The following BCL7A variants were observed in gnomAD, a reference collection of about 807,000 sequenced individuals.
The protein encoded by BCL7A is BAF chromatin remodeling complex subunit BCL7A.
In BCL7A, 11 loss-of-function variants were observed where a neutral mutation model predicts 28.4. The observed-to-expected ratio is 0.39, with a 90% CI of 0.24 to 0.64. The LOEUF is 0.64. Ranked by LOEUF, BCL7A falls within the 30% of genes least tolerant of loss-of-function variation. BCL7A has a pLI of 0.50. For synonymous variants in BCL7A, 123 were observed against 103.3 expected, an observed-to-expected ratio of 1.19 and a Z score of -1.15; for missense variants, 222 against 274.8, an observed-to-expected ratio of 0.81 and a Z score of 1.36.
rs60471036 is a variant in BCL7A at position 122,049,017 on chromosome 12, T to TA, written c.439+4983dup. ...GCCTGGGCAATGAGAGTGAAACGTG[T>TA]AAAAAAAAAAAAAAAAAAATATATA... On this transcript the variant is annotated intron_variant, in intron 4 of 5. Transcript: ENST00000261822. Among the ~76,000 whole-genome samples, 851 of 90,368 alleles carry TA rather than the reference T, an allele frequency of 9.4e-3. 9 individuals are homozygous for TA. Among genetic ancestry groups the TA allele is most frequent in the South Asian group, 0.015 (39 of 2,554 alleles). The allele number at this position is 90,368 out of a possible 152,430, so 59.3% of individuals were successfully genotyped here. A position where few individuals can be genotyped will look rare whatever the true frequency, so the allele number is the denominator to read the frequency against.
rs140920585 is a variant in BCL7A, at chr12:122,050,933, C to T, written c.440-3872C>T. ...GAGCTGCAGGGTTGCCTTGTCCACC[C>T]TTCTGTCGGGGGAGCGATTGCGGGG... On this transcript the variant is annotated intron_variant, in intron 4 of 5. Coordinates refer to ENST00000261822, the MANE Select transcript of BCL7A (RefSeq NM_001024808.3). 5.7e-4 allele frequency among the ~76,000 whole-genome samples: 87 copies of T among 152,334 alleles called. 1 individual carries two copies. In the East Asian group the frequency reaches 0.014, roughly 24 times the overall value.
At chr12:122,046,867 T>C (rs763910174) in intron 4 of BCL7A, among the ~76,000 whole-genome samples, 40 of 151,994 alleles carry the variant, frequency 2.6e-4, no homozygotes, top group Non-Finnish European at 4.4e-4. Context: ...GTTTTTCTTA[T>C]TGTAGATTTT....
intron 1 of BCL7A, among the ~76,000 whole-genome samples, chr12:122,023,255 C>G (rs532621870): frequency 6.6e-6 from 1 of 152,212 alleles, no homozygotes; most frequent in Admixed American, 6.5e-5. Context: ...TATTTTTTTC[C>G]CACGCCTTCA....
intron 4 of BCL7A, among the ~76,000 whole-genome samples, chr12:122,051,592 C>A (rs1379466990): frequency 6.6e-6 from 1 of 152,148 alleles, no homozygotes; most frequent in Admixed American, 6.5e-5. Flanking sequence ...GGGCCTGGCT[C>A]TCAGGAGAGG....
intron 1 of BCL7A, among the ~76,000 whole-genome samples, chr12:122,025,946 C>CAAAAAA (rs1204623444): frequency 1.8e-5 from 2 of 108,184 alleles, no homozygotes; most frequent in Admixed American, 1.2e-4. Context: ...GACTCCATCT[C>CAAAAAA]AAAAAAAAAA....
intron 1 of BCL7A, among the ~76,000 whole-genome samples, chr12:122,025,364 G>A (rs924970845): frequency 1.3e-5 from 2 of 151,934 alleles, no homozygotes; most frequent in Non-Finnish European, 2.9e-5. Context: ...GGTGGCTCAC[G>A]CCTGTAATTT....
intron 1 of BCL7A, among the ~76,000 whole-genome samples, chr12:122,024,297 G>C (rs2135836006): frequency 6.6e-6 from 1 of 152,292 alleles, no homozygotes; most frequent in East Asian, 1.9e-4. Context: ...CTCTAACCAT[G>C]GTGACCCGGG....
At chr12:122,046,969 T>A (rs1033888871) in intron 4 of BCL7A, among the ~76,000 whole-genome samples, 9 of 151,506 alleles carry the variant, frequency 5.9e-5, no homozygotes, top group Non-Finnish European at 1.0e-4. Context: ...AATGACGTGA[T>A]CTCGGCTCAC....
At chr12:122,026,722 G>T (rs983211120) in intron 1 of BCL7A, among the ~76,000 whole-genome samples, 1 of 152,236 alleles carries the variant, frequency 6.6e-6, no homozygotes, top group African/African-American at 2.4e-5. Flanking sequence ...AGGTGACAGG[G>T]ACTAGCCATG....
chr12:122,049,842 T>G (rs1003189589), intron 4 of BCL7A, among the ~76,000 whole-genome samples: 4 of 152,066 alleles, frequency 2.6e-5, no homozygotes, highest in Non-Finnish European at 5.9e-5. Flanking sequence ...TGGAACCGTT[T>G]AGTCAGAGGC....
At chr12:122,053,479 T>C (rs986451179) in intron 4 of BCL7A, among the ~76,000 whole-genome samples, 1 of 152,214 alleles carries the variant, frequency 6.6e-6, no homozygotes, top group African/African-American at 2.4e-5. Context: ...CCCTTTGTTA[T>C]TACTCTGCCT....
intron 5 of BCL7A, among the ~76,000 whole-genome samples, chr12:122,055,614 A>G (rs1481873381): frequency 6.6e-6 from 1 of 151,958 alleles, no homozygotes; most frequent in Non-Finnish European, 1.5e-5. Flanking sequence ...TTCACTGTAA[A>G]TCCTCTAGAC....
chr12:122,058,146 A>C (rs1368735842), intron 5 of BCL7A, among the ~76,000 whole-genome samples: 2 of 152,132 alleles, frequency 1.3e-5, no homozygotes, highest in Non-Finnish European at 2.9e-5. Context: ...GCAGTGAGCT[A>C]TGATGACCAC....
chr12:122,044,560 C>G (rs921837393), intron 4 of BCL7A, among the ~76,000 whole-genome samples: 2 of 151,958 alleles, frequency 1.3e-5, no homozygotes, highest in African/African-American at 2.4e-5. Flanking sequence ...TGGTGGCTCA[C>G]ACCTATAATC....
intron 1 of BCL7A, among the ~76,000 whole-genome samples, chr12:122,026,266 C>CAAAAAA (rs78577517): frequency 4.0e-5 from 2 of 49,464 alleles, no homozygotes; most frequent in Non-Finnish European, 8.8e-5. Context: ...GACTCCGTCT[C>CAAAAAA]AAAAAAAAAA....
In BCL7A at chr12:122,046,060, T is replaced by TAAAAA. The variant is rs776315126; in HGVS notation, c.439+2026_439+2030dup. Among the ~76,000 whole-genome samples, 184 of 62,802 alleles carry TAAAAA rather than the reference T, an allele frequency of 2.9e-3. 5 individuals are homozygous for TAAAAA. The highest frequency in any genetic ancestry group is 7.0e-3 in the African/African-American group (106 of 15,152). 41.2% of individuals were successfully genotyped at this position (62,802 alleles called of 152,430 possible). A position where few individuals can be genotyped will look rare whatever the true frequency, so the allele number is the denominator to read the frequency against. On this transcript the variant is annotated intron_variant, in intron 4 of 5. Coordinates refer to ENST00000261822, the MANE Select transcript of BCL7A (RefSeq NM_001024808.3). Reference sequence around the variant, plus strand: ...CCTGGGTAACAGGGTGAGACCTTGCTAAAAAAAAAAAAAAAAAAAAAAAGG... The same window carrying TAAAAA: ...CCTGGGTAACAGGGTGAGACCTTGCTAAAAAAAAAAAAAAAAAAAAAAAAAAAAGG...
chr12:122,025,515 T>C (rs1883605914), intron 1 of BCL7A, among the ~76,000 whole-genome samples: 1 of 150,630 alleles, frequency 6.6e-6, no homozygotes, highest in Non-Finnish European at 1.5e-5. Flanking sequence ...TAGTCCCAGC[T>C]ACTTGGGAGG....
At chr12:122,031,262 C>T (rs1171178823) in intron 2 of BCL7A, among the ~76,000 whole-genome samples, 10 of 152,098 alleles carry the variant, frequency 6.6e-5, no homozygotes, top group Admixed American at 4.6e-4. Context: ...CTCCTGACCT[C>T]GGGTGATCCA....
chr12:122,037,258 CT>C (rs369022770), intron 3 of BCL7A, among the ~76,000 whole-genome samples: 1 of 152,226 alleles, frequency 6.6e-6, no homozygotes, highest in African/African-American at 2.4e-5. Context: ...CAACCCCTGC[CT>C]TTTTCTATCT....
Sources: gnomAD v4.1 joint callset for allele counts (sites outside exome capture counted in the v4.1 genomes callset) on GRCh38, gnomAD v4.1.1 for gene constraint, MANE v1.5 for transcripts, NCBI Gene and HGNC (gene_info 2026-07-23, HGNC 2026-07-21) for gene names.